Variants in ANKS1B observed in about 807,000 individuals in gnomAD.
ANKS1B encodes ankyrin repeat and sterile alpha motif domain-containing protein 1B.
Under a neutral mutation model 148.3 loss-of-function variants are expected in ANKS1B, and 36 were observed. The ratio of observed to expected loss-of-function variants is 0.24; its 90% confidence interval spans 0.19 to 0.32. ANKS1B has a LOEUF of 0.32. Among genes scored for constraint, ANKS1B ranks in the 10% least tolerant of loss-of-function variants. The pLI is 1.00. For missense variants in ANKS1B, 1,157 were observed against 1,542.6 expected, an observed-to-expected ratio of 0.75 and a Z score of 4.19; for synonymous variants, 542 against 560.8, an observed-to-expected ratio of 0.97 and a Z score of 0.47.
intron 6 of ANKS1B, among the ~76,000 whole-genome samples, chr12:99,776,179 C>A (rs1959369506): frequency 6.6e-6 from 1 of 152,066 alleles, no homozygotes; most frequent in Admixed American, 6.6e-5. Flanking sequence ...ACTTTATTTC[C>A]ACAAAGAAAT....
chr12:99,777,180 A>G (rs1182922481), intron 6 of ANKS1B, among the ~76,000 whole-genome samples: 1 of 152,242 alleles, frequency 6.6e-6, no homozygotes, highest in African/African-American at 2.4e-5. Context: ...ATACTTCTTT[A>G]TTCAAGAACC....
intron 4 of ANKS1B, among the ~76,000 whole-genome samples, chr12:99,794,288 G>A (rs1175581563): frequency 6.6e-6 from 1 of 151,848 alleles, no homozygotes; most frequent in Non-Finnish European, 1.5e-5. Flanking sequence ...TAAAAATAGA[G>A]CTACCAAATG....
intron 17 of ANKS1B, among the ~76,000 whole-genome samples, chr12:98,941,592 G>A (rs1252458544): frequency 3.3e-5 from 5 of 152,240 alleles, no homozygotes; most frequent in Admixed American, 2.6e-4. Context: ...GCAAGTAGGG[G>A]AATTTGCAAA....
intron 4 of ANKS1B, among the ~76,000 whole-genome samples, chr12:99,788,679 G>A (rs2065270709): frequency 6.6e-6 from 1 of 152,072 alleles, no homozygotes. Context: ...CTGCGTTCAG[G>A]CCTAGGCTCT....
intron 10 of ANKS1B, among the ~76,000 whole-genome samples, chr12:99,476,789 C>G (rs1567178257): frequency 6.6e-6 from 1 of 152,132 alleles, no homozygotes; most frequent in African/African-American, 2.4e-5. Context: ...GTTTTCATGG[C>G]TGAGGGTCTA....
intron 12 of ANKS1B, among the ~76,000 whole-genome samples, chr12:99,355,825 T>C (rs2152407783): frequency 6.6e-6 from 1 of 152,274 alleles, no homozygotes; most frequent in African/African-American, 2.4e-5. Context: ...GATCCTTTTA[T>C]CTCCTTTCCA....
At chr12:99,969,675 A>G (rs2095534683) in intron 1 of ANKS1B, among the ~76,000 whole-genome samples, 1 of 152,212 alleles carries the variant, frequency 6.6e-6, no homozygotes, top group Non-Finnish European at 1.5e-5. Flanking sequence ...ACTGAAATAT[A>G]TTACTATATA....
intron 4 of ANKS1B, among the ~76,000 whole-genome samples, chr12:99,802,680 A>G (rs543865770): frequency 3.3e-5 from 5 of 152,304 alleles, no homozygotes; most frequent in African/African-American, 1.2e-4. Flanking sequence ...TGGAAGGCCA[A>G]GAAAGGAGGA....
At chr12:99,035,688 G>A (rs2099955091) in intron 17 of ANKS1B, among the ~76,000 whole-genome samples, 1 of 152,140 alleles carries the variant, frequency 6.6e-6, no homozygotes, top group South Asian at 2.1e-4. Context: ...CAAAGGAGAA[G>A]GACGGAGATG....
At chr12:99,393,797 T>C (rs1004632997) in intron 12 of ANKS1B, among the ~76,000 whole-genome samples, 2 of 152,182 alleles carry the variant, frequency 1.3e-5, no homozygotes, top group Non-Finnish European at 2.9e-5. Flanking sequence ...ATCTTATTGA[T>C]TTTTCAGTGT....
intron 17 of ANKS1B, among the ~76,000 whole-genome samples, chr12:98,884,297 T>C (rs1190644837): frequency 6.6e-6 from 1 of 152,244 alleles, no homozygotes; most frequent in Non-Finnish European, 1.5e-5. Flanking sequence ...TTTTTATTTT[T>C]ATAACATTAA....
At chr12:99,145,021 A>T (rs1019725708) in intron 15 of ANKS1B, among the ~76,000 whole-genome samples, 1 of 152,122 alleles carries the variant, frequency 6.6e-6, no homozygotes, top group Non-Finnish European at 1.5e-5. Flanking sequence ...ATGTGCTAGT[A>T]ACTGGGAAAC....
In ANKS1B at chr12:99,051,896, C is replaced by T. The variant is rs2099966319; in HGVS notation, c.2778+1261G>A. On this transcript the variant is annotated intron_variant, in intron 17 of 26. Transcript: ENST00000683438. Reference sequence around the variant, plus strand: ...AATAATAACCATCATTTAAAATAAGCAATGGCATGTAATGTGTAGAACCGG... The same window carrying T: ...AATAATAACCATCATTTAAAATAAGTAATGGCATGTAATGTGTAGAACCGG... Among the ~76,000 whole-genome samples, 8 of 152,238 alleles carry T rather than the reference C, an allele frequency of 5.3e-5. No homozygotes were observed. The South Asian group carries it at 1.7e-3, about 32-fold the overall frequency.
intron 9 of ANKS1B, among the ~76,000 whole-genome samples, chr12:99,530,172 C>T (rs1402163249): frequency 6.6e-6 from 1 of 152,138 alleles, no homozygotes; most frequent in Non-Finnish European, 1.5e-5. Context: ...CCACAGATTG[C>T]CAGACTGTGG....
intron 1 of ANKS1B, among the ~76,000 whole-genome samples, chr12:99,909,237 T>C (rs940722595): frequency 9.3e-5 from 14 of 150,886 alleles, no homozygotes; most frequent in African/African-American, 1.5e-4. Flanking sequence ...TGTGTGTGTG[T>C]GTGTGTGTGT....
chr12:99,625,641 A>T (rs1188493825), intron 9 of ANKS1B, among the ~76,000 whole-genome samples: 3 of 152,192 alleles, frequency 2.0e-5, no homozygotes, highest in African/African-American at 7.2e-5. Flanking sequence ...GATTCTCTTT[A>T]AAAACATACA....
intron 9 of ANKS1B, among the ~76,000 whole-genome samples, chr12:99,517,511 A>G (rs2096833228): frequency 1.3e-5 from 2 of 151,470 alleles, no homozygotes; most frequent in Admixed American, 1.3e-4. Flanking sequence ...TGAGGTAAGG[A>G]GTTCGAGACT....
At chr12:99,595,366 C>T (rs1181262882) in intron 9 of ANKS1B, among the ~76,000 whole-genome samples, 1 of 151,810 alleles carries the variant, frequency 6.6e-6, no homozygotes, top group Non-Finnish European at 1.5e-5. Context: ...AGAATTTACT[C>T]TCGTGTTATT....
intron 17 of ANKS1B, among the ~76,000 whole-genome samples, chr12:98,969,819 A>G (rs1357725172): frequency 7.0e-6 from 1 of 141,986 alleles, no homozygotes; most frequent in Non-Finnish European, 1.5e-5. Context: ...TATTCAGTAT[A>G]CCTGTTACTA....
Sources: gnomAD v4.1 joint callset for allele counts (sites outside exome capture counted in the v4.1 genomes callset) on GRCh38, gnomAD v4.1.1 for gene constraint, MANE v1.5 for transcripts, NCBI Gene and HGNC (gene_info 2026-07-23, HGNC 2026-07-21) for gene names.